TOX3: variants seen among roughly 807,000 people sequenced by gnomAD.
TOX3 encodes TOX high mobility group box family member 3, also known as CAG trinucleotide repeat-containing gene F9 protein.
TOX3 carries 22 observed loss-of-function variants against 64.3 expected under a neutral mutation model. The ratio of observed to expected loss-of-function variants is 0.34; its 90% CI spans 0.24 to 0.49. The LOEUF (loss-of-function observed/expected upper bound fraction) is 0.49. TOX3 is among the 20% of genes least tolerant of loss of function. The pLI, the probability that TOX3 is intolerant of heterozygous loss-of-function variation, is 0.99. For synonymous variants in TOX3, 291 were observed against 273.6 expected, an observed-to-expected ratio of 1.06 and a Z score of -0.63; for missense variants, 661 against 714.4, an observed-to-expected ratio of 0.93 and a Z score of 0.85.
chr16:52,446,198 A>G lies in TOX3; in HGVS notation c.702T>C (p.Ala234=). The G allele has an allele frequency of 6.2e-7, 1 of 1,613,562 alleles. No homozygotes were observed. Among genetic ancestry groups the G allele is most frequent in the Non-Finnish European group, 8.5e-7 (1 of 1,179,796 alleles). The change falls in exon 5 of 7, where the codon GCT becomes GCC. Residue 234 remains alanine (A), a synonymous_variant. Transcript: ENST00000219746. ...ANRAIGEKRA[A]PDSGKKPKTP... ...TCTTGGGCTTCTTGCCAGAGTCTGG[A>G]GCAGCTCTTTTCTCTCCAATGGCCT... is the stretch of plus-strand genomic sequence containing the variant.
At chr16:52,514,471 G>C (rs546571234) in intron 1 of TOX3, among the ~76,000 whole-genome samples, 5 of 152,162 alleles carry the variant, frequency 3.3e-5, no homozygotes, top group Non-Finnish European at 5.9e-5. Flanking sequence ...ACACTGAAAA[G>C]AAGCCATTTA....
intron 4 of TOX3, among the ~76,000 whole-genome samples, chr16:52,448,146 T>C (rs1960219795): frequency 6.6e-6 from 1 of 152,354 alleles, no homozygotes; most frequent in South Asian, 2.1e-4. Context: ...AGGAAATTTT[T>C]GTGTCATTGA....
intron 2 of TOX3, among the ~76,000 whole-genome samples, chr16:52,467,537 T>C (rs2151758435): frequency 6.6e-6 from 1 of 152,332 alleles, no homozygotes; most frequent in African/African-American, 2.4e-5. Flanking sequence ...ATTTTCATTC[T>C]CTGGGGTCAA....
chr16:52,500,714 C>T (rs1285183398), intron 1 of TOX3, among the ~76,000 whole-genome samples: 3 of 152,176 alleles, frequency 2.0e-5, no homozygotes, highest in African/African-American at 7.2e-5. Context: ...TCCCATTTAT[C>T]GTCTTATTTC....
chr16:52,473,671 A>T (rs955604894), intron 1 of TOX3, among the ~76,000 whole-genome samples: 2 of 152,330 alleles, frequency 1.3e-5, no homozygotes, highest in African/African-American at 4.8e-5. Context: ...AGGAGTGAAA[A>T]CAAGCCAATA....
chr16:52,517,687 C>G, intron 1 of TOX3, among the ~76,000 whole-genome samples: 1 of 151,954 alleles, frequency 6.6e-6, no homozygotes, highest in East Asian at 1.9e-4. Context: ...CCCAGAAGAC[C>G]AATCCATTGG....
At chr16:52,441,525 T>C (rs1185658912) in intron 6 of TOX3, among the ~76,000 whole-genome samples, 1 of 152,200 alleles carries the variant, frequency 6.6e-6, no homozygotes. Flanking sequence ...AAGAAATTCT[T>C]CCACTAATGC....
intron 1 of TOX3, among the ~76,000 whole-genome samples, chr16:52,505,098 T>G (rs1962125581): frequency 6.6e-6 from 1 of 151,988 alleles, no homozygotes; most frequent in Non-Finnish European, 1.5e-5. Context: ...CCCCACAAAG[T>G]GCTGGGATTA....
intron 1 of TOX3, among the ~76,000 whole-genome samples, chr16:52,485,968 G>A (rs1428789602): frequency 1.3e-5 from 2 of 152,194 alleles, no homozygotes; most frequent in African/African-American, 2.4e-5. Flanking sequence ...AGGGGAAGCT[G>A]AACAGAATCA....
chr16:52,495,871 C>T (rs951687636), intron 1 of TOX3, among the ~76,000 whole-genome samples: 2 of 152,152 alleles, frequency 1.3e-5, no homozygotes, highest in South Asian at 2.1e-4. Flanking sequence ...TTGGCTACTA[C>T]ATTTTCTTCC....
intron 1 of TOX3, among the ~76,000 whole-genome samples, chr16:52,520,909 AAATT>A (rs1403472117): frequency 2.6e-5 from 4 of 152,226 alleles, no homozygotes; most frequent in Non-Finnish European, 5.9e-5. Context: ...ATTTGCATAA[AAATT>A]AATATGCTTT....
intron 6 of TOX3, among the ~76,000 whole-genome samples, chr16:52,440,740 T>TTTTC (rs750711096): frequency 1.1e-3 from 161 of 143,730 alleles, no homozygotes; most frequent in African/African-American, 3.8e-3. Flanking sequence ...TATATGGTAT[T>TTTTC]TTTCTTTCTT....
At chr16:52,442,634 A>G (rs148105794) in intron 6 of TOX3, among the ~76,000 whole-genome samples, 4,111 of 152,272 alleles carry the variant, frequency 0.027, 145 homozygotes, top group Admixed American at 0.1. Flanking sequence ...GTACAATTCA[A>G]TGCTGCTTCC....
In TOX3 at chr16:52,491,947, G is replaced by A. The variant is rs75291501; in HGVS notation, c.88-23373C>T. 3.2e-3 allele frequency among the ~76,000 whole-genome samples: 485 copies of A among 152,094 alleles called. 4 individuals carry two copies. In the East Asian group the frequency reaches 0.039, roughly 12 times the overall value. On this transcript the variant is annotated intron_variant, in intron 1 of 6. Coordinates refer to ENST00000219746, the MANE Select transcript of TOX3 (RefSeq NM_001080430.4). ...GTACCACGGCCACAGATGAAGCTGC[G>A]CTCGGGGCTACACACCACATTGCCA...
intron 3 of TOX3, among the ~76,000 whole-genome samples, chr16:52,462,327 C>T (rs1327246548): frequency 6.6e-6 from 1 of 152,046 alleles, no homozygotes; most frequent in Admixed American, 6.5e-5. Flanking sequence ...ATGTGAATAT[C>T]ATAATTATTT....
intron 1 of TOX3, among the ~76,000 whole-genome samples, chr16:52,517,758 C>T (rs1041389873): frequency 6.6e-6 from 1 of 151,924 alleles, no homozygotes; most frequent in African/African-American, 2.4e-5. Flanking sequence ...TGGAGGAAAA[C>T]ACCAAATTAA....
At chr16:52,442,364 C>A (rs2151739700) in intron 6 of TOX3, among the ~76,000 whole-genome samples, 1 of 152,240 alleles carries the variant, frequency 6.6e-6, no homozygotes, top group Admixed American at 6.5e-5. Flanking sequence ...TAAGCTCACC[C>A]CTTGGATGAG....
rs538309588 is a variant in TOX3, at chr16:52,481,914, T to A, written c.88-13340A>T. Among the ~76,000 whole-genome samples the A allele has an allele frequency of 1.2e-4, 19 of 152,296 alleles. No homozygotes were observed. The South Asian group carries it at 3.9e-3, about 32-fold the overall frequency. ...TACTAGGAAAGAGCTCACATGAGAC[T>A]CTAAATCCCACTTCCGACGAGGTCT... On this transcript the variant is annotated intron_variant, in intron 1 of 6. Coordinates refer to ENST00000219746, the MANE Select transcript of TOX3 (RefSeq NM_001080430.4).
At chr16:52,501,131 A>G (rs749327236) in intron 1 of TOX3, among the ~76,000 whole-genome samples, 1 of 152,314 alleles carries the variant, frequency 6.6e-6, no homozygotes, top group East Asian at 1.9e-4. Flanking sequence ...AGGTACAATC[A>G]CTGTACCCAT....
Sources: allele counts gnomAD v4.1 joint callset (sites outside exome capture counted in the v4.1 genomes callset), GRCh38; gene constraint gnomAD v4.1.1; transcripts MANE v1.5; gene names NCBI Gene and HGNC (gene_info 2026-07-23, HGNC 2026-07-21).